Variants in ITSN1 observed in about 807,000 individuals in gnomAD.
ITSN1 encodes intersectin-1.
Under a neutral mutation model 239.8 loss-of-function variants are expected in ITSN1, and 58 were observed. That is an observed-to-expected ratio of 0.24 (90% CI 0.20 to 0.30). ITSN1 has a LOEUF of 0.30. Ranked by LOEUF, ITSN1 falls within the 10% of genes least tolerant of loss-of-function variation. ITSN1 has a pLI of 1.00. For synonymous variants in ITSN1, 780 were observed against 770.8 expected, an observed-to-expected ratio of 1.01 and a Z score of -0.20; for missense variants, 1,558 against 2,103.3, an observed-to-expected ratio of 0.74 and a Z score of 5.07.
At chr21:33,783,611 GAAACAAAA>G (rs748702905) in intron 16 of ITSN1, among the ~76,000 whole-genome samples, 9 of 142,514 alleles carry the variant, frequency 6.3e-5, no homozygotes, top group South Asian at 4.4e-4. Context: ...AGTGCAATTA[GAAACAAAA>G]AAACAAAAAA....
rs540745143 is a variant in ITSN1 at position 33,718,288 on chromosome 21, A to C, written c.-32-509A>C. Among the ~76,000 whole-genome samples, 42 of 152,328 alleles carry C rather than the reference A, an allele frequency of 2.8e-4. No homozygotes were observed. In the South Asian group the frequency reaches 8.5e-3, roughly 31 times the overall value. ...CCATCAAGTAGATGGACTGGTAATTATAGATGGTTAAGAAAAAGGTACAGT... is the reference window on the plus strand; with the variant it reads ...CCATCAAGTAGATGGACTGGTAATTCTAGATGGTTAAGAAAAAGGTACAGT... On this transcript the variant is annotated intron_variant, in intron 1 of 39. Coordinates refer to ENST00000381318, the MANE Select transcript of ITSN1 (RefSeq NM_003024.3).
Position 33,818,446 on chromosome 21 carries a change from T to A in ITSN1, c.2907T>A (p.Ile969=). Residue 969 remains isoleucine (I), a synonymous_variant, in exon 23 of 40, where the codon ATT becomes ATA. Coordinates refer to ENST00000381318, the MANE Select transcript of ITSN1 (RefSeq NM_003024.3). The part of the protein sequence containing the change: ...GWFPKSYVKL[I]SGPIRKSTSM... ...TCCCCAAGTCTTACGTGAAACTCAT[T>A]TCAGGGCCCATAAGGAAGTCTACAA... 1 of 1,614,156 alleles carries A rather than the reference T, an allele frequency of 6.2e-7. No homozygotes were observed.
intron 1 of ITSN1, among the ~76,000 whole-genome samples, chr21:33,647,762 C>CT (rs1483753788): frequency 6.6e-6 from 1 of 152,200 alleles, no homozygotes; most frequent in African/African-American, 2.4e-5. Flanking sequence ...TCCCAAAGTG[C>CT]TGGGATCACA....
intron 27 of ITSN1, among the ~76,000 whole-genome samples, chr21:33,830,153 C>T (rs1430731406): frequency 6.6e-6 from 1 of 152,136 alleles, no homozygotes; most frequent in Non-Finnish European, 1.5e-5. Context: ...ATTTTTAGTT[C>T]CCGTGTGTGT....
At chr21:33,773,258 T>A (rs1020148730) in intron 12 of ITSN1, among the ~76,000 whole-genome samples, 1 of 152,142 alleles carries the variant, frequency 6.6e-6, no homozygotes, top group Non-Finnish European at 1.5e-5. Context: ...TCCACCCGCC[T>A]CAGCCTCCCA....
chr21:33,698,620 A>T (rs1466680641), intron 1 of ITSN1, among the ~76,000 whole-genome samples: 1 of 152,350 alleles, frequency 6.6e-6, no homozygotes, highest in African/African-American at 2.4e-5. Context: ...GGCTTCAGAC[A>T]TGACAATAGG....
At chr21:33,844,915 C>T (rs904997278) in intron 29 of ITSN1, among the ~76,000 whole-genome samples, 1 of 151,988 alleles carries the variant, frequency 6.6e-6, no homozygotes, top group Non-Finnish European at 1.5e-5. Flanking sequence ...CCGTCCTGTC[C>T]GCCTCCCCTT....
intron 8 of ITSN1, among the ~76,000 whole-genome samples, chr21:33,760,088 C>T (rs758084222): frequency 2.0e-5 from 3 of 149,388 alleles, no homozygotes; most frequent in African/African-American, 5.0e-5. Flanking sequence ...GGTGACAGAG[C>T]GAGACCGAGA....
rs746156363 is a variant in ITSN1 at position 33,890,533 on chromosome 21, A to G, written c.*2233A>G. The G allele has an allele frequency of 5.9e-5, 9 of 152,202 alleles. No homozygotes were observed. Among genetic ancestry groups the G allele is most frequent in the Non-Finnish European group, 1.2e-4 (8 of 68,036 alleles). 9.4% of individuals were successfully genotyped at this position (152,202 alleles called of 1,614,324 possible). A position where few individuals can be genotyped will look rare whatever the true frequency, so the allele number is the denominator to read the frequency against. ...TGAGCATCCTTGAGATGCTCCTGCC[A>G]TGTAGCAAGTTCTGGATTAGTGTCC... On this transcript the variant is annotated 3_prime_UTR_variant, in exon 40 of 40. Coordinates refer to ENST00000381318, the MANE Select transcript of ITSN1 (RefSeq NM_003024.3).
intron 29 of ITSN1, among the ~76,000 whole-genome samples, chr21:33,856,327 T>C (rs894465249): frequency 6.6e-6 from 1 of 152,212 alleles, no homozygotes; most frequent in Admixed American, 6.5e-5. Flanking sequence ...TTTATTGCCA[T>C]ACATTCCTGG....
chr21:33,746,984 TC>T (rs1353072345), intron 5 of ITSN1, among the ~76,000 whole-genome samples: 1 of 152,128 alleles, frequency 6.6e-6, no homozygotes, highest in Non-Finnish European at 1.5e-5. Flanking sequence ...CGAAACCCCG[TC>T]TCTACTAAAA....
intron 29 of ITSN1, among the ~76,000 whole-genome samples, chr21:33,842,924 A>C (rs56868881): frequency 2.6e-5 from 4 of 151,846 alleles, no homozygotes; most frequent in African/African-American, 9.7e-5. Flanking sequence ...CCCATTTCCT[A>C]TGCTGTCCTG....
chr21:33,794,080 G>A (rs953579856), intron 16 of ITSN1, among the ~76,000 whole-genome samples: 3 of 152,166 alleles, frequency 2.0e-5, no homozygotes, highest in African/African-American at 7.2e-5. Context: ...CCTGCCCTTC[G>A]CTAGCAGGTT....
chr21:33,839,097 A>G (rs2074735854), intron 29 of ITSN1, among the ~76,000 whole-genome samples: 1 of 152,104 alleles, frequency 6.6e-6, no homozygotes, highest in Non-Finnish European at 1.5e-5. Flanking sequence ...TTCAGCAGAT[A>G]TTTGGTGGGG....
At chr21:33,841,636 G>A (rs755508721) in intron 29 of ITSN1, among the ~76,000 whole-genome samples, 6 of 152,206 alleles carry the variant, frequency 3.9e-5, no homozygotes, top group Non-Finnish European at 8.8e-5. Context: ...TCTGAGCCAA[G>A]TCTCCACTCC....
chr21:33,832,515 G>A (rs1489773409), intron 27 of ITSN1, among the ~76,000 whole-genome samples: 23 of 152,202 alleles, frequency 1.5e-4, no homozygotes, highest in Non-Finnish European at 4.4e-5. Context: ...CATGACCCAG[G>A]AGAGCTCCTG....
intron 16 of ITSN1, among the ~76,000 whole-genome samples, chr21:33,792,054 T>TGTTAGACATTGTGATGAACAATGTCTAA (rs1462656166): frequency 6.6e-6 from 1 of 152,194 alleles, no homozygotes. Context: ...TTTATTTGTT[T>TGTTAGACATTGTGATGAACAATGTCTAA]GTTAGACATT....
At position 33,797,547 on chromosome 21, in the gene ITSN1, G is replaced by A; in HGVS notation, c.2121G>A (p.Arg707=). Reference sequence around the variant, plus strand: ...AGGAAGCACAAGACAAGCTGGGTCGGCTTTTCCATCAACACCAAGAACCAG... The same window carrying A: ...AGGAAGCACAAGACAAGCTGGGTCGACTTTTCCATCAACACCAAGAACCAG... ...GKQEAQDKLG[R]LFHQHQEPAK... Residue 707 remains arginine (R), a synonymous_variant, in exon 18 of 40, where the codon CGG becomes CGA. Transcript: ENST00000381318. This position sits in a 1 kb window ranked among gnomAD's most constrained non-coding sequence, Gnocchi z 4.9. 6.2e-7 allele frequency: 1 copy of A among 1,614,068 alleles called. No homozygotes were observed. Among genetic ancestry groups the A allele is most frequent in the Non-Finnish European group, 8.5e-7 (1 of 1,179,976 alleles).
intron 16 of ITSN1, among the ~76,000 whole-genome samples, chr21:33,783,374 C>A (rs2070367019): frequency 6.6e-6 from 1 of 152,210 alleles, no homozygotes; most frequent in East Asian, 1.9e-4. Context: ...GTGTGCTGTT[C>A]TTTCAGAGTA....
Sources: gnomAD v4.1 joint callset for allele counts (sites outside exome capture counted in the v4.1 genomes callset) on GRCh38, gnomAD v4.1.1 for gene constraint, Gnocchi (gnomAD v3.1) non-coding constraint, MANE v1.5 for transcripts, NCBI Gene and HGNC (gene_info 2026-07-23, HGNC 2026-07-21) for gene names.